Variants in PHACTR3 observed in about 807,000 individuals in gnomAD.
The protein encoded by PHACTR3 is protein phosphatase 1, regulatory subunit 123.
A neutral mutation model predicts 66.8 loss-of-function variants in PHACTR3; 16 were observed. That is an observed-to-expected ratio of 0.24 (90% CI 0.16 to 0.36). The LOEUF (loss-of-function observed/expected upper bound fraction) is 0.36, where lower values mean the gene tolerates loss of function less well. Among genes scored for constraint, PHACTR3 ranks in the 10% least tolerant of loss-of-function variants. The pLI is 1.00. For synonymous variants in PHACTR3, 323 were observed against 292.1 expected, an observed-to-expected ratio of 1.11 and a Z score of -1.08; for missense variants, 647 against 719.9, an observed-to-expected ratio of 0.90 and a Z score of 1.16.
At chr20:59,620,837 G>T (rs1247411893) in intron 1 of PHACTR3, among the ~76,000 whole-genome samples, 1 of 152,156 alleles carries the variant, frequency 6.6e-6, no homozygotes, top group Non-Finnish European at 1.5e-5. Context: ...AGGGGTGGCT[G>T]TCTTTCCGTC....
In PHACTR3 at chr20:59,605,083, C is replaced by T; in HGVS notation, c.69C>T (p.Val23=). ...GCCGCTCGCAGAGTGACCCCAGCGT[C>T]CTCACCGACTCCTCGGCCACCTCCT... ...SRGRSQSDPS[V]LTDSSATSSA... Residue 23 remains valine, a synonymous_variant, in exon 1 of 13, where the codon GTC becomes GTT. Transcript: ENST00000371015. 1 of 1,418,006 alleles carries T rather than the reference C, an allele frequency of 7.1e-7. No homozygotes were observed. The allele number at this position is 1,418,006 out of a possible 1,614,324, so 87.8% of individuals were successfully genotyped here.
At chr20:59,694,841 A>G (rs2037236672) in intron 1 of PHACTR3, among the ~76,000 whole-genome samples, 1 of 152,144 alleles carries the variant, frequency 6.6e-6, no homozygotes, top group East Asian at 1.9e-4. Flanking sequence ...TGTGGGTCCA[A>G]GGAGATAGTG....
At chr20:59,832,167 G>A (rs1483558175) in intron 8 of PHACTR3, among the ~76,000 whole-genome samples, 1 of 152,194 alleles carries the variant, frequency 6.6e-6, no homozygotes, top group East Asian at 1.9e-4. Flanking sequence ...GGAACTGGCT[G>A]TGGGTTCTGA....
chr20:59,737,440 G>A (rs2038984403), intron 1 of PHACTR3, among the ~76,000 whole-genome samples: 1 of 152,198 alleles, frequency 6.6e-6, no homozygotes, highest in Non-Finnish European at 1.5e-5. Flanking sequence ...GGCAGGAGGA[G>A]TGGAGACAAC....
At chr20:59,691,466 C>T (rs181505122) in intron 1 of PHACTR3, among the ~76,000 whole-genome samples, 146 of 152,158 alleles carry the variant, frequency 9.6e-4, no homozygotes, top group African/African-American at 3.2e-3. Flanking sequence ...AGATTCTATA[C>T]AATTTTGTGT....
In PHACTR3 at chr20:59,831,534, C is replaced by T. The variant is rs368969718; in HGVS notation, c.1329-4971C>T. Among the ~76,000 whole-genome samples, 4 of 152,220 alleles carry T rather than the reference C, an allele frequency of 2.6e-5. No homozygotes were observed. The South Asian group carries it at 8.3e-4, about 32-fold the overall frequency. On this transcript the variant is annotated intron_variant, in intron 8 of 12. Coordinates refer to ENST00000371015, the MANE Select transcript of PHACTR3 (RefSeq NM_080672.5). ...GCTCCAGGCGGCACCAGGACGTCAC[C>T]AGCAGCCCCATTTCTGAATCAGGAG...
intron 3 of PHACTR3, among the ~76,000 whole-genome samples, chr20:59,754,977 A>C (rs1299100682): frequency 6.6e-6 from 1 of 152,080 alleles, no homozygotes; most frequent in Non-Finnish European, 1.5e-5. Flanking sequence ...AAGAGCAGAA[A>C]CCAGGCTAGG....
rs76045756 is a variant in PHACTR3, at chr20:59,720,177, G to A, written c.119-22930G>A. Among the ~76,000 whole-genome samples the A allele has an allele frequency of 4.1e-3, 623 of 152,270 alleles. 5 individuals carry two copies. The highest frequency in any genetic ancestry group is 5.5e-3 in the Non-Finnish European group (374 of 68,022). On this transcript the variant is annotated intron_variant, in intron 1 of 12. Transcript: ENST00000371015. ...TATCTTGAAGACCATAACATCTCTCGAGCAGGCTAGCATATCTGGTCCGAA... is the reference window on the plus strand; with the variant it reads ...TATCTTGAAGACCATAACATCTCTCAAGCAGGCTAGCATATCTGGTCCGAA...
chr20:59,585,117 G>A (rs916775047), intron 1 of PHACTR3, among the ~76,000 whole-genome samples: 1 of 152,160 alleles, frequency 6.6e-6, no homozygotes, highest in African/African-American at 2.4e-5. Flanking sequence ...AGCTTGAGGT[G>A]GAGAAGTGAG....
intron 1 of PHACTR3, among the ~76,000 whole-genome samples, chr20:59,700,270 G>T (rs552707171): frequency 6.6e-6 from 1 of 152,318 alleles, no homozygotes; most frequent in South Asian, 2.1e-4. Context: ...CTTCTCCACT[G>T]CCCTGTTGGT....
chr20:59,605,258 G>A, intron 1 of PHACTR3, 126 bp downstream of exon 1: 2 of 602,748 alleles, frequency 3.3e-6, no homozygotes, highest in Non-Finnish European at 4.9e-6. Flanking sequence ...ACCCGCGCTC[G>A]GCCCCGCGGT....
At chr20:59,594,278 C>G (rs2033265609) in intron 1 of PHACTR3, among the ~76,000 whole-genome samples, 1 of 150,588 alleles carries the variant, frequency 6.6e-6, no homozygotes, top group East Asian at 1.9e-4. Context: ...TGTGTGTTAT[C>G]CTTGTATCTT....
intron 8 of PHACTR3, among the ~76,000 whole-genome samples, chr20:59,826,205 G>A (rs2042186567): frequency 6.6e-6 from 1 of 151,984 alleles, no homozygotes; most frequent in Non-Finnish European, 1.5e-5. Flanking sequence ...GGTGGGGGAG[G>A]GGAGGGGTGC....
intron 7 of PHACTR3, among the ~76,000 whole-genome samples, chr20:59,785,928 A>G (rs1034439060): frequency 1.5e-4 from 23 of 151,480 alleles, no homozygotes; most frequent in Non-Finnish European, 3.1e-4. Context: ...TGGTTTTCCA[A>G]CGGCCCTCTG....
chr20:59,619,527 C>T (rs866046036), intron 1 of PHACTR3, among the ~76,000 whole-genome samples: 10 of 152,028 alleles, frequency 6.6e-5, no homozygotes, highest in African/African-American at 1.9e-4. Flanking sequence ...AGGCACCCCA[C>T]TGCTACACTG....
At chr20:59,585,747 AC>A (rs892289370) in intron 1 of PHACTR3, among the ~76,000 whole-genome samples, 1 of 152,122 alleles carries the variant, frequency 6.6e-6, no homozygotes, top group African/African-American at 2.4e-5. Context: ...TCCTCTCCTC[AC>A]CCGCGTGCAG....
At chr20:59,583,185 G>A (rs1244087597) in intron 1 of PHACTR3, among the ~76,000 whole-genome samples, 1 of 152,176 alleles carries the variant, frequency 6.6e-6, no homozygotes, top group Non-Finnish European at 1.5e-5. Flanking sequence ...TGAAAGAACA[G>A]TATGAGGTAG....
chr20:59,665,554 G>A (rs1429875872), intron 1 of PHACTR3, among the ~76,000 whole-genome samples: 2 of 152,090 alleles, frequency 1.3e-5, no homozygotes, highest in East Asian at 3.9e-4. Context: ...CTTGGGGGCA[G>A]AAATAAGAAA....
intron 4 of PHACTR3, among the ~76,000 whole-genome samples, chr20:59,766,826 A>G (rs953396954): frequency 6.6e-6 from 1 of 152,230 alleles, no homozygotes; most frequent in Non-Finnish European, 1.5e-5. Context: ...GAGATTTAGT[A>G]ACTTAAGGTC....
Sources: gnomAD v4.1 joint callset for allele counts (sites outside exome capture counted in the v4.1 genomes callset) on GRCh38, gnomAD v4.1.1 for gene constraint, MANE v1.5 for transcripts, NCBI Gene and HGNC (gene_info 2026-07-23, HGNC 2026-07-21) for gene names.